IPCEF1: variants seen among roughly 807,000 people sequenced by gnomAD.
IPCEF1 encodes interactor protein for cytohesin exchange factors 1.
In IPCEF1, 31 loss-of-function variants were observed where a neutral mutation model predicts 50.9. That is an observed-to-expected ratio of 0.61 (90% CI 0.46 to 0.82). The LOEUF is 0.82. Ranked by LOEUF, IPCEF1 falls within the 40% of genes least tolerant of loss-of-function variation. The pLI, the probability that IPCEF1 is intolerant of heterozygous loss-of-function variation, is 0.00. For synonymous variants in IPCEF1, 181 were observed against 192.0 expected, an observed-to-expected ratio of 0.94 and a Z score of 0.47; for missense variants, 458 against 514.0, an observed-to-expected ratio of 0.89 and a Z score of 1.05.
chr6:154,199,799 T>C lies in IPCEF1; in HGVS notation c.779A>G (p.Glu260Gly), dbSNP rs1310917525. 1.2e-6 allele frequency: 2 copies of C among 1,614,106 alleles called. No homozygotes were observed. The highest frequency in any genetic ancestry group is 2.7e-5 in the African/African-American group (2 of 74,924). ...PSEAGIHKAL[E>G]NSFVTSESGF... is the part of the protein sequence containing the mutation. Reference sequence around the variant, plus strand: ...ACTTTCTGATGTGACAAAACTGTTTTCCAGGGCCTTGTGGATGCCTGCCTC... The same window carrying C: ...ACTTTCTGATGTGACAAAACTGTTTCCCAGGGCCTTGTGGATGCCTGCCTC... The change falls in exon 10 of 12, where the codon GAA becomes GGA. Residue 260 changes from glutamate to glycine, a missense_variant. Coordinates refer to ENST00000367220, the MANE Select transcript of IPCEF1 (RefSeq NM_001130700.2).
At position 154,206,217 on chromosome 6, in the gene IPCEF1, C is replaced by T. The variant is rs115550338; in HGVS notation, c.538-6177G>A. On this transcript the variant is annotated intron_variant, in intron 9 of 11. Transcript: ENST00000367220. ...ATAAGCAGCTTGCAAATGCTACTTC[C>T]GATAGCTATGTGTATTTCTCTGGAA... Among the ~76,000 whole-genome samples the T allele has an allele frequency of 6.9e-3, 1,044 of 152,272 alleles. 10 individuals carry two copies. The highest frequency in any genetic ancestry group is 0.024 in the Middle Eastern group (7 of 294).
intron 1 of IPCEF1, among the ~76,000 whole-genome samples, chr6:154,338,085 C>A (rs1783827188): frequency 6.6e-6 from 1 of 152,164 alleles, no homozygotes; most frequent in African/African-American, 2.4e-5. Flanking sequence ...GCTTGACTTT[C>A]ATCAATAAGT....
At chr6:154,253,101 T>C (rs1298796255) in intron 3 of IPCEF1, among the ~76,000 whole-genome samples, 1 of 152,224 alleles carries the variant, frequency 6.6e-6, no homozygotes, top group Non-Finnish European at 1.5e-5. Context: ...TATACTGTTA[T>C]CTCTCTGTGT....
At chr6:154,272,673 T>C (rs1400283822) in intron 2 of IPCEF1, among the ~76,000 whole-genome samples, 2 of 152,236 alleles carry the variant, frequency 1.3e-5, no homozygotes, top group African/African-American at 2.4e-5. Context: ...TAAAGAATCA[T>C]TCCATTTTGT....
intron 9 of IPCEF1, among the ~76,000 whole-genome samples, chr6:154,204,957 C>T (rs1777369902): frequency 6.6e-6 from 1 of 152,194 alleles, no homozygotes; most frequent in African/African-American, 2.4e-5. Context: ...CTTTCTGTCC[C>T]ATCACCACAT....
intron 9 of IPCEF1, 132 bp from the exon 10 acceptor site, chr6:154,200,172 G>A: frequency 1.3e-6 from 1 of 772,978 alleles, no homozygotes; most frequent in Non-Finnish European, 2.0e-6. Flanking sequence ...AGAGTCAAAA[G>A]GTAAAGATAT....
chr6:154,320,137 A>C (rs775681410), intron 1 of IPCEF1, among the ~76,000 whole-genome samples: 1 of 152,198 alleles, frequency 6.6e-6, no homozygotes, highest in Non-Finnish European at 1.5e-5. Context: ...TTATCATCTA[A>C]GTAATAAAAA....
At chr6:154,344,848 G>C (rs1039616897) in intron 1 of IPCEF1, among the ~76,000 whole-genome samples, 4 of 152,100 alleles carry the variant, frequency 2.6e-5, no homozygotes, top group Non-Finnish European at 4.4e-5. Context: ...TCTCTACACT[G>C]TTTACCATGA....
chr6:154,267,027 T>A (rs1781773999), intron 2 of IPCEF1, among the ~76,000 whole-genome samples: 1 of 152,134 alleles, frequency 6.6e-6, no homozygotes, highest in Non-Finnish European at 1.5e-5. Context: ...TCCTTTTTCA[T>A]ATTAAAAATG....
chr6:154,244,092 T>C (rs1347190374), intron 5 of IPCEF1, among the ~76,000 whole-genome samples: 1 of 152,204 alleles, frequency 6.6e-6, no homozygotes, highest in Non-Finnish European at 1.5e-5. Context: ...TAGGCTTAGG[T>C]GCTTTGAGAG....
At chr6:154,205,861 T>G (rs1320164692) in intron 9 of IPCEF1, among the ~76,000 whole-genome samples, 1 of 152,022 alleles carries the variant, frequency 6.6e-6, no homozygotes, top group African/African-American at 2.4e-5. Context: ...TGTATCTCCA[T>G]GCTTCTGCTT....
At chr6:154,219,363 G>T (rs1450879572) in intron 7 of IPCEF1, among the ~76,000 whole-genome samples, 5 of 152,172 alleles carry the variant, frequency 3.3e-5, no homozygotes, top group African/African-American at 4.8e-5. Context: ...CAGAATGAGT[G>T]GGAAGGACGG....
chr6:154,346,492 T>A (rs1001046674), intron 1 of IPCEF1, among the ~76,000 whole-genome samples: 5 of 152,198 alleles, frequency 3.3e-5, no homozygotes, highest in Non-Finnish European at 5.9e-5. Flanking sequence ...TTTTTCTGGT[T>A]GTATAATAAT....
chr6:154,228,231 C>T (rs557117968), intron 5 of IPCEF1, among the ~76,000 whole-genome samples: 6 of 151,910 alleles, frequency 3.9e-5, no homozygotes, highest in East Asian at 3.9e-4. Flanking sequence ...TTTGGGAGGC[C>T]GAGGCAGAAA....
intron 10 of IPCEF1, among the ~76,000 whole-genome samples, chr6:154,184,814 ATTGT>A (rs773645032): frequency 6.6e-6 from 1 of 152,116 alleles, no homozygotes; most frequent in East Asian, 1.9e-4. Context: ...ATCTTTCTAG[ATTGT>A]TTGAGATTTT....
At chr6:154,296,339 G>A (rs78120052) in intron 1 of IPCEF1, among the ~76,000 whole-genome samples, 124 of 152,142 alleles carry the variant, frequency 8.2e-4, no homozygotes, top group African/African-American at 2.7e-3. Flanking sequence ...GTCACTTCTC[G>A]GATCCACCGT....
intron 1 of IPCEF1, among the ~76,000 whole-genome samples, chr6:154,353,556 G>A (rs1784154060): frequency 6.6e-6 from 1 of 151,864 alleles, no homozygotes; most frequent in Admixed American, 6.6e-5. Flanking sequence ...CAAAGTCCTG[G>A]GATTACAGGC....
chr6:154,341,337 G>GA (rs1433790648), intron 1 of IPCEF1, among the ~76,000 whole-genome samples: 2 of 152,120 alleles, frequency 1.3e-5, no homozygotes, highest in African/African-American at 4.8e-5. Flanking sequence ...ATAGTTAAAA[G>GA]AAAAAATTCA....
chr6:154,223,275 A>G, intron 5 of IPCEF1, 32 bp from the exon 6 acceptor site: 1 of 1,516,320 alleles, frequency 6.6e-7, no homozygotes, highest in Non-Finnish European at 9.1e-7. Flanking sequence ...AATAGGAATG[A>G]ATGCATCAAT....
Sources: allele counts gnomAD v4.1 joint callset (sites outside exome capture counted in the v4.1 genomes callset), GRCh38; gene constraint gnomAD v4.1.1; transcripts MANE v1.5; gene names NCBI Gene and HGNC (gene_info 2026-07-23, HGNC 2026-07-21).